TNKS2: variants seen among roughly 807,000 people sequenced by gnomAD.
The protein encoded by TNKS2 is tankyrase 2, also known as poly [ADP-ribose] polymerase tankyrase-2.
In TNKS2, 72 loss-of-function variants were observed where a neutral mutation model predicts 137.6. The ratio of observed to expected loss-of-function variants is 0.52; its 90% CI spans 0.43 to 0.64. The LOEUF (loss-of-function observed/expected upper bound fraction) is 0.64, where lower values mean the gene tolerates loss of function less well. Ranked by LOEUF, TNKS2 falls within the 30% of genes least tolerant of loss-of-function variation. TNKS2 has a pLI of 0.00. For missense variants in TNKS2, 1,049 were observed against 1,410.2 expected (o/e 0.74, Z 4.10); for synonymous variants, 516 against 512.1 (o/e 1.01, Z -0.10).
Position 91,851,225 on chromosome 10 carries a change from G to A in TNKS2, c.2704G>A (p.Asp902Asn). Residue 902 changes from aspartate to asparagine, a missense_variant, in exon 21 of 27, where the codon GAT (aspartate) becomes AAT (asparagine). Coordinates refer to ENST00000371627, the MANE Select transcript of TNKS2 (RefSeq NM_025235.4). ...CCTCCTCTTTTGTAAGATCACTTTGGATGTATTAGTTGAGATGGGGCACAA... is the reference window on the plus strand; with the variant it reads ...CCTCCTCTTTTGTAAGATCACTTTGAATGTATTAGTTGAGATGGGGCACAA... ...DIFEREQITLDVLVEMGHKEL... is the reference protein window; with the variant it reads ...DIFEREQITLNVLVEMGHKEL... The A allele has an allele frequency of 6.2e-7, 1 of 1,613,606 alleles. No homozygotes were observed. The highest frequency in any genetic ancestry group is 8.5e-7 in the Non-Finnish European group (1 of 1,179,876).
chr10:91,847,373 TA>T (rs771446313), intron 18 of TNKS2, among the ~76,000 whole-genome samples: 2 of 152,132 alleles, frequency 1.3e-5, no homozygotes, highest in African/African-American at 2.4e-5. Flanking sequence ...TATTTATTAT[TA>T]TTTTTTTGAG....
chr10:91,823,100 T>G (rs1211966301), intron 7 of TNKS2, among the ~76,000 whole-genome samples: 2 of 151,832 alleles, frequency 1.3e-5, no homozygotes, highest in African/African-American at 4.8e-5. Context: ...TTCCATAATT[T>G]ATAGCTAAAG....
chr10:91,856,753 C>T (rs545902046), intron 23 of TNKS2, among the ~76,000 whole-genome samples: 23 of 152,236 alleles, frequency 1.5e-4, no homozygotes, highest in African/African-American at 5.5e-4. Context: ...TCCTTGATTA[C>T]ATCTGTGGCA....
chr10:91,859,433 T>C (rs1357163986), intron 24 of TNKS2, 29 bp from the exon 25 acceptor site: 1 of 1,413,424 alleles, frequency 7.1e-7, no homozygotes, highest in Non-Finnish European at 9.3e-7. Flanking sequence ...AAATTTTAAA[T>C]TATTGTTACC....
intron 7 of TNKS2, among the ~76,000 whole-genome samples, chr10:91,822,938 A>T (rs1202062800): frequency 6.6e-6 from 1 of 151,392 alleles, no homozygotes; most frequent in Non-Finnish European, 1.5e-5. Flanking sequence ...CTGAAATCCC[A>T]TCTACTCAGG....
chr10:91,833,794 AT>A, intron 11 of TNKS2, 58 bp from the exon 12 acceptor site: 1 of 1,369,966 alleles, frequency 7.3e-7, no homozygotes, highest in South Asian at 1.8e-5. Flanking sequence ...TAAATACATG[AT>A]TGTATGGTTT....
At position 91,851,198 on chromosome 10, in the gene TNKS2, T is replaced by G; in HGVS notation, c.2695-18T>G. 6.2e-7 allele frequency: 1 copy of G among 1,612,560 alleles called. No individual in the cohort carries two copies. Among genetic ancestry groups the G allele is most frequent in the African/African-American group, 1.3e-5 (1 of 74,966 alleles). On this transcript the variant is annotated intron_variant, in intron 20 of 26. Transcript: ENST00000371627. ...CAAATAAGTAAGCATTCTAAGTAGT[T>G]TCCTCCTCTTTTGTAAGATCACTTT...
At chr10:91,815,500 A>T (rs796746628) in intron 2 of TNKS2, among the ~76,000 whole-genome samples, 3 of 152,298 alleles carry the variant, frequency 2.0e-5, no homozygotes, top group African/African-American at 7.2e-5. Context: ...TATAATCTGC[A>T]CTATCCAATA....
intron 1 of TNKS2, among the ~76,000 whole-genome samples, chr10:91,800,256 C>G (rs1291656139): frequency 6.6e-6 from 1 of 152,170 alleles, no homozygotes; most frequent in African/African-American, 2.4e-5. Context: ...TGCTGCCGTT[C>G]TTCAGCTAAT....
At chr10:91,831,959 TTCTCCTTGGATG>T (rs1845265101) in intron 11 of TNKS2, among the ~76,000 whole-genome samples, 1 of 152,192 alleles carries the variant, frequency 6.6e-6, no homozygotes, top group South Asian at 2.1e-4. Context: ...ATAGACGCTC[TTCTCCTTGGATG>T]GCCCCTGAAA....
intron 1 of TNKS2, among the ~76,000 whole-genome samples, chr10:91,806,937 CCA>C (rs1262567229): frequency 6.6e-6 from 1 of 151,380 alleles, no homozygotes; most frequent in Non-Finnish European, 1.5e-5. Flanking sequence ...CAAATAATCT[CCA>C]GTTTCTAAGA....
chr10:91,830,591 A>G (rs1033086140), intron 9 of TNKS2, among the ~76,000 whole-genome samples: 1 of 152,246 alleles, frequency 6.6e-6, no homozygotes, highest in Non-Finnish European at 1.5e-5. Context: ...AAAATATTGC[A>G]TGAACACAAT....
At chr10:91,819,625 T>C in intron 5 of TNKS2, 68 bp downstream of exon 5, 1 of 1,210,518 alleles carries the variant, frequency 8.3e-7, no homozygotes, top group Non-Finnish European at 1.2e-6. Context: ...GTGTTTATCT[T>C]ATGATAAATT....
At chr10:91,804,991 T>C (rs1844279723) in intron 1 of TNKS2, among the ~76,000 whole-genome samples, 2 of 152,188 alleles carry the variant, frequency 1.3e-5, no homozygotes, top group African/African-American at 4.8e-5. Context: ...CTCGAATTCC[T>C]GACCTCAGGT....
intron 1 of TNKS2, among the ~76,000 whole-genome samples, chr10:91,809,593 GA>G (rs1479903090): frequency 1.3e-5 from 2 of 151,688 alleles, no homozygotes; most frequent in African/African-American, 4.8e-5. Context: ...GTGAACCTGG[GA>G]GGCGGAGCTT....
chr10:91,812,166 C>G (rs558863056), intron 1 of TNKS2, among the ~76,000 whole-genome samples: 2 of 152,164 alleles, frequency 1.3e-5, no homozygotes, highest in Admixed American at 1.3e-4. Context: ...TTAACATATG[C>G]CTGAAAGCCT....
intron 8 of TNKS2, among the ~76,000 whole-genome samples, chr10:91,827,673 G>T (rs1289645733): frequency 6.6e-6 from 1 of 152,156 alleles, no homozygotes; most frequent in Non-Finnish European, 1.5e-5. Context: ...TAACCACCTA[G>T]TTTGGATATG....
intron 3 of TNKS2, among the ~76,000 whole-genome samples, chr10:91,818,948 C>G (rs1417730): frequency 0.11 from 16,523 of 152,062 alleles, 987 homozygotes; most frequent in East Asian, 0.19. Flanking sequence ...AACCTATGAC[C>G]CAAGATAAAC....
intron 1 of TNKS2, among the ~76,000 whole-genome samples, chr10:91,812,360 C>G (rs1286626489): frequency 6.6e-6 from 1 of 152,040 alleles, no homozygotes; most frequent in Non-Finnish European, 1.5e-5. Flanking sequence ...AGGAGGCCTC[C>G]TACATGGAAA....
Sources: allele counts gnomAD v4.1 joint callset (sites outside exome capture counted in the v4.1 genomes callset), GRCh38; gene constraint gnomAD v4.1.1; transcripts MANE v1.5; gene names NCBI Gene and HGNC (gene_info 2026-07-23, HGNC 2026-07-21).